Variants in PRPS2 observed in about 807,000 individuals in gnomAD.
PRPS2 encodes ribose-phosphate pyrophosphokinase 2.
For synonymous variants in PRPS2, 111 were observed against 115.3 expected (o/e 0.96, Z 0.24); for missense variants, 104 against 271.5 (o/e 0.38, Z 4.34).
rs765184551 is a variant in PRPS2, at chrX:12,819,684, C to G, written c.704+4C>G. On this transcript the variant is annotated splice_donor_region_variant and intron_variant, in intron 5 of 6. Transcript: ENST00000380668. ...CCATCTGCCATGCTGCGGACAAGTACGCAGGGCGGTGGGGAAAGCGTTAGG... is the reference window on the plus strand; with the variant it reads ...CCATCTGCCATGCTGCGGACAAGTAGGCAGGGCGGTGGGGAAAGCGTTAGG... 4 of 1,204,937 alleles carry G rather than the reference C, an allele frequency of 3.3e-6. No individual in the cohort carries two copies. Among genetic ancestry groups the G allele is most frequent in the Non-Finnish European group, 4.5e-6 (4 of 892,046 alleles).
At chrX:12,807,864 C>A (rs1015728656) in intron 2 of PRPS2, among the ~76,000 whole-genome samples, 4 of 84,730 alleles carry the variant, frequency 4.7e-5, no homozygotes, top group Non-Finnish European at 8.6e-5. Context: ...TACATGCATA[C>A]CTTTTTTTTT....
chrX:12,808,956 G>A (rs2042608936), intron 2 of PRPS2, among the ~76,000 whole-genome samples: 1 of 112,075 alleles, frequency 8.9e-6, no homozygotes, highest in African/African-American at 3.2e-5. Context: ...TACACAGATT[G>A]TGACATTACA....
chrX:12,794,209 G>T (rs1211919940), intron 1 of PRPS2, among the ~76,000 whole-genome samples: 2 of 112,435 alleles, frequency 1.8e-5, no homozygotes, highest in South Asian at 3.7e-4. Context: ...CACAGCTGAG[G>T]CGGCTAACTG....
chrX:12,816,192 C>G (rs1266349), intron 4 of PRPS2, among the ~76,000 whole-genome samples: 1 of 111,325 alleles, frequency 9.0e-6, no homozygotes, highest in Non-Finnish European at 1.9e-5. Context: ...GCTTCAAGGA[C>G]GTTGATGTCT....
chrX:12,805,738 T>C (rs980029014), intron 2 of PRPS2, among the ~76,000 whole-genome samples: 2 of 112,155 alleles, frequency 1.8e-5, no homozygotes, highest in African/African-American at 6.5e-5. Context: ...GTCCCTGCTA[T>C]AGAAGACACT....
chrX:12,811,820 G>C (rs1482894848), intron 4 of PRPS2, among the ~76,000 whole-genome samples: 1 of 112,212 alleles, frequency 8.9e-6, no homozygotes, highest in East Asian at 2.8e-4. Flanking sequence ...GAAGAGCCTT[G>C]TTCATTCTGC....
chrX:12,801,631 C>T (rs1044861491), intron 2 of PRPS2, among the ~76,000 whole-genome samples: 6 of 112,293 alleles, frequency 5.3e-5, no homozygotes, highest in Admixed American at 3.8e-4. Context: ...GTTTTTGAGA[C>T]GGAGTCTCAC....
At chrX:12,799,749 A>G (rs2042560436) in intron 2 of PRPS2, among the ~76,000 whole-genome samples, 1 of 111,964 alleles carries the variant, frequency 8.9e-6, no homozygotes, top group African/African-American at 3.2e-5. Flanking sequence ...GATTGTATCA[A>G]TTTCAGGGTC....
chrX:12,823,108 T>G lies in PRPS2; in HGVS notation c.*312T>G, dbSNP rs1161301420. 4.7e-6 allele frequency: 1 copy of G among 211,168 alleles called. No individual in the cohort carries two copies. Among genetic ancestry groups the G allele is most frequent in the Non-Finnish European group, 8.4e-6 (1 of 118,752 alleles). The allele number at this position is 211,168 out of a possible 1,213,427, so 17.4% of individuals were successfully genotyped here. A position where few individuals can be genotyped will look rare whatever the true frequency, so the allele number is the denominator to read the frequency against. On this transcript the variant is annotated 3_prime_UTR_variant, in exon 7 of 7. Transcript: ENST00000380668. ...TCTTTCAGTACTTTGAGGCGACAAC[T>G]TTCAAGTATATAATTTCATTGTGGA...
At chrX:12,820,184 T>C (rs2042668723) in intron 5 of PRPS2, among the ~76,000 whole-genome samples, 1 of 112,712 alleles carries the variant, frequency 8.9e-6, no homozygotes, top group Admixed American at 9.3e-5. Context: ...AATGAATATA[T>C]ATCTCATTTA....
In PRPS2 at chrX:12,796,852, ATTT is replaced by A. The variant is rs35240522; in HGVS notation, c.123-2331_123-2329del. ...ATGCCTGGGACAACAAGTATTTCAG[ATTT>A]TTTTTTTTTTTTTTTTTTTTTTTGC... is the stretch of plus-strand genomic sequence containing the variant. On this transcript the variant is annotated intron_variant, in intron 1 of 6. Transcript: ENST00000380668. 1.3e-3 allele frequency among the ~76,000 whole-genome samples: 45 copies of A among 34,250 alleles called. 1 individual carries two copies. Among genetic ancestry groups the A allele is most frequent in the African/African-American group, 4.8e-3 (40 of 8,315 alleles). The allele number at this position is 34,250 out of a possible 115,157, so 29.7% of individuals were successfully genotyped here. A position where few individuals can be genotyped will look rare whatever the true frequency, so the allele number is the denominator to read the frequency against.
chrX:12,816,201 CTT>C (rs940226505), intron 4 of PRPS2, among the ~76,000 whole-genome samples: 1 of 111,435 alleles, frequency 9.0e-6, no homozygotes, highest in Non-Finnish European at 1.9e-5. Context: ...ACGTTGATGT[CTT>C]ATTCTCTTAT....
At chrX:12,817,258 A>G (rs1384439843) in intron 4 of PRPS2, among the ~76,000 whole-genome samples, 3 of 111,035 alleles carry the variant, frequency 2.7e-5, no homozygotes, top group African/African-American at 9.8e-5. Flanking sequence ...AAAAAGTTGC[A>G]TAGGGTTTTT....
chrX:12,820,274 G>C (rs1185857925), intron 5 of PRPS2, among the ~76,000 whole-genome samples: 1 of 112,261 alleles, frequency 8.9e-6, no homozygotes, highest in African/African-American at 3.2e-5. Flanking sequence ...TCTCAACCAG[G>C]AGTGATTTTG....
At position 12,822,751 on chromosome X, in the gene PRPS2, C is replaced by T. The variant is rs1485876347; in HGVS notation, c.912C>T (p.His304=). The T allele has an allele frequency of 8.3e-7, 1 of 1,210,384 alleles. No homozygotes were observed. ...MILAEAIRRT[H]NGESVSYLFS... Reference sequence around the variant, plus strand: ...TGGCCGAAGCAATCCGAAGGACACACAATGGGGAATCCGTGTCCTACCTGT... The same window carrying T: ...TGGCCGAAGCAATCCGAAGGACACATAATGGGGAATCCGTGTCCTACCTGT... The change falls in exon 7 of 7, where the codon CAC becomes CAT. Residue 304 remains histidine (H), a synonymous_variant. Transcript: ENST00000380668.
intron 4 of PRPS2, among the ~76,000 whole-genome samples, chrX:12,814,069 C>G (rs367996262): frequency 2.1e-4 from 4 of 19,366 alleles, no homozygotes; most frequent in East Asian, 3.2e-3. Flanking sequence ...AGCCCCCCCA[C>G]CCCCGACTCT....
At chrX:12,800,548 G>A (rs1344641194) in intron 2 of PRPS2, among the ~76,000 whole-genome samples, 14 of 111,196 alleles carry the variant, frequency 1.3e-4, no homozygotes, top group African/African-American at 3.9e-4. Context: ...TGTGTGTTCC[G>A]TATCTTATGG....
chrX:12,815,257 C>T (rs1262739680), intron 4 of PRPS2, among the ~76,000 whole-genome samples: 2 of 111,395 alleles, frequency 1.8e-5, no homozygotes, highest in African/African-American at 6.5e-5. Context: ...GTCTGTGTCC[C>T]CCACTGCCAA....
intron 2 of PRPS2, among the ~76,000 whole-genome samples, chrX:12,806,863 C>T (rs768373549): frequency 9.9e-5 from 11 of 111,572 alleles, no homozygotes; most frequent in African/African-American, 2.0e-4. Context: ...CTGAGGTGGG[C>T]GGATCACCTG....
Sources: gnomAD v4.1 joint callset for allele counts (sites outside exome capture counted in the v4.1 genomes callset) on GRCh38, gnomAD v4.1.1 for gene constraint, MANE v1.5 for transcripts, NCBI Gene and HGNC (gene_info 2026-07-23, HGNC 2026-07-21) for gene names.